The following GTF3C4 variants were observed in gnomAD, a reference collection of about 807,000 sequenced individuals.
The protein encoded by GTF3C4 is general transcription factor IIIC subunit 4, also known as general transcription factor 3C polypeptide 4.
Under a neutral mutation model 67.5 loss-of-function variants are expected in GTF3C4, and 28 were observed. The ratio of observed to expected loss-of-function variants is 0.41; its 90% CI spans 0.31 to 0.57. The LOEUF (loss-of-function observed/expected upper bound fraction) is 0.57. Among genes scored for constraint, GTF3C4 ranks in the 20% least tolerant of loss-of-function variants. The probability of loss-of-function intolerance (pLI) is 0.21; values close to 1 mark genes in which losing one functional copy is unlikely to be tolerated. For missense variants in GTF3C4, 831 were observed against 1,033.2 expected, an observed-to-expected ratio of 0.80 and a Z score of 2.68; for synonymous variants, 409 against 393.0, an observed-to-expected ratio of 1.04 and a Z score of -0.48.
rs1468233127 is a variant in GTF3C4, at chr9:132,679,305, A to G, written c.1686A>G (p.Glu562=). ...HIPQFLQEAL[E]KKIESSGVTY... ...CTCAATTTTTACAAGAAGCTTTGGAAAAAAAGATTGAAAGCAGTGGAGTCA... is the reference window on the plus strand; with the variant it reads ...CTCAATTTTTACAAGAAGCTTTGGAGAAAAAGATTGAAAGCAGTGGAGTCA... Residue 562 remains glutamate (E), a synonymous_variant, in exon 2 of 5, where the codon GAA becomes GAG. Transcript: ENST00000372146. This position sits in a 1 kb window ranked among gnomAD's most constrained non-coding sequence, Gnocchi z 5.9. 6.2e-7 allele frequency: 1 copy of G among 1,614,084 alleles called. No homozygotes were observed. Among genetic ancestry groups the G allele is most frequent in the African/African-American group, 1.3e-5 (1 of 75,014 alleles).
At chr9:132,674,946 A>C (rs1432298547) in intron 1 of GTF3C4, among the ~76,000 whole-genome samples, 1 of 152,194 alleles carries the variant, frequency 6.6e-6, no homozygotes, top group East Asian at 1.9e-4. Flanking sequence ...TGAAAGGATC[A>C]CTTGACCCCG....
chr9:132,687,714 A>G (rs1836053020), intron 4 of GTF3C4, among the ~76,000 whole-genome samples: 1 of 152,228 alleles, frequency 6.6e-6, no homozygotes, highest in African/African-American at 2.4e-5. Context: ...AACCAGTAAT[A>G]GGATATTCAC....
intron 2 of GTF3C4, among the ~76,000 whole-genome samples, chr9:132,681,882 G>A (rs963983989): frequency 1.3e-5 from 2 of 151,546 alleles, no homozygotes; most frequent in Non-Finnish European, 2.9e-5. Flanking sequence ...CAGCACTTTG[G>A]GAGGCCAGGG....
In GTF3C4 at chr9:132,678,984, A is replaced by G. The variant is rs1269455200; in HGVS notation, c.1365A>G (p.Thr455=). The G allele has an allele frequency of 6.2e-7, 1 of 1,614,190 alleles. No homozygotes were observed. Among genetic ancestry groups the G allele is most frequent in the South Asian group, 1.1e-5 (1 of 91,084 alleles). The change falls in exon 2 of 5, where the codon ACA becomes ACG. Residue 455 remains threonine, a synonymous_variant. Transcript: ENST00000372146. The surrounding 1 kb of genome is among the most constrained non-coding windows in gnomAD (Gnocchi z 6.5). ...GKVRQLIPIF[T]DVALKFEHQL... is the part of the protein sequence containing the mutation. ...TGAGGCAGCTGATTCCCATTTTCAC[A>G]GATGTTGCATTGAAGTTTGAACACC...
rs1253756000 is a variant in GTF3C4 at position 132,670,631 on chromosome 9, C to G, written c.33C>G (p.Pro11=). 2 of 1,449,628 alleles carry G rather than the reference C, an allele frequency of 1.4e-6. No individual in the cohort carries two copies. Among genetic ancestry groups the G allele is most frequent in the Non-Finnish European group, 1.8e-6 (2 of 1,113,496 alleles). The allele number at this position is 1,449,628 out of a possible 1,614,324, so 89.8% of individuals were successfully genotyped here. ...CGGCCGACCAGGCCCGGGTGGGGCC[C>G]GCGGACGACGGGCCTGCGCCGTCTG... MNTADQARVG[P]ADDGPAPSGE... The change falls in exon 1 of 5, where the codon CCC becomes CCG. Residue 11 remains proline (P), a synonymous_variant. Coordinates refer to ENST00000372146, the MANE Select transcript of GTF3C4 (RefSeq NM_012204.4).
rs1323168843 is a variant in GTF3C4, at chr9:132,693,015, A to G, written c.*4070A>G. On this transcript the variant is annotated 3_prime_UTR_variant, in exon 5 of 5. Coordinates refer to ENST00000372146, the MANE Select transcript of GTF3C4 (RefSeq NM_012204.4). The stretch of plus-strand genomic sequence containing the variant: ...TTTAATGGAATTCAGCCAAACTCCA[A>G]AAATACTGAGTTGCTTCTAGTTATC... 1 of 152,222 alleles carries G rather than the reference A, an allele frequency of 6.6e-6. No individual in the cohort carries two copies. The highest frequency in any genetic ancestry group is 2.4e-5 in the African/African-American group (1 of 41,462). 9.4% of individuals were successfully genotyped at this position (152,222 alleles called of 1,614,324 possible).
rs768516868 is a variant in GTF3C4 at position 132,670,996 on chromosome 9, C to G, written c.357+41C>G. 6.5e-6 allele frequency: 9 copies of G among 1,374,856 alleles called. No individual in the cohort carries two copies. In the Admixed American group the frequency reaches 1.5e-4, roughly 23 times the overall value. 85.2% of individuals were successfully genotyped at this position (1,374,856 alleles called of 1,614,324 possible). ...CCATCCCTGGGGTCTTCCCCTGTCC[C>G]CCTCTCGCGGCCGCATCATCCGTCC... On this transcript the variant is annotated intron_variant, in intron 1 of 4. Transcript: ENST00000372146.
In GTF3C4 at chr9:132,670,776, C is replaced by T. The variant is rs577948269; in HGVS notation, c.178C>T (p.Leu60=). ...MVTRREPAVK[L]QYAVSGLEPL... is the part of the protein sequence containing the mutation. ...GACTCGGCGGGAGCCGGCCGTGAAGCTGCAGTATGCGGTGAGCGGCCTGGA... is the reference window on the plus strand; with the variant it reads ...GACTCGGCGGGAGCCGGCCGTGAAGTTGCAGTATGCGGTGAGCGGCCTGGA... The change falls in exon 1 of 5, where the codon CTG becomes TTG. Residue 60 remains leucine (L), a synonymous_variant. Coordinates refer to ENST00000372146, the MANE Select transcript of GTF3C4 (RefSeq NM_012204.4). 3.8e-6 allele frequency: 6 copies of T among 1,583,582 alleles called. No homozygotes were observed. Among genetic ancestry groups the T allele is most frequent in the African/African-American group, 1.3e-5 (1 of 74,390 alleles).
At chr9:132,684,724 G>A (rs931835839) in intron 3 of GTF3C4, among the ~76,000 whole-genome samples, 1 of 152,166 alleles carries the variant, frequency 6.6e-6, no homozygotes. Context: ...CTAGGATGCT[G>A]TTCCAGCAGA....
At position 132,693,212 on chromosome 9, in the gene GTF3C4, T is replaced by C. The variant is rs1428523087; in HGVS notation, c.*4267T>C. On this transcript the variant is annotated 3_prime_UTR_variant, in exon 5 of 5. Transcript: ENST00000372146. ...TAGATGGTTTAACATGGTGCTGTTT[T>C]TGAAAACTTGCTGTGGAAATAAATT... 1.3e-5 allele frequency: 2 copies of C among 152,260 alleles called. 1 individual carries two copies. The highest frequency in any genetic ancestry group is 4.8e-5 in the African/African-American group (2 of 41,474). 9.4% of individuals were successfully genotyped at this position (152,260 alleles called of 1,614,324 possible).
chr9:132,684,430 C>T (rs1232168964), intron 3 of GTF3C4, among the ~76,000 whole-genome samples: 3 of 152,176 alleles, frequency 2.0e-5, no homozygotes, highest in African/African-American at 7.2e-5. Context: ...ATCTGGTCTT[C>T]CCACTTCCAT....
At chr9:132,681,962 A>G (rs1009453062) in intron 2 of GTF3C4, among the ~76,000 whole-genome samples, 34 of 111,112 alleles carry the variant, frequency 3.1e-4, no homozygotes, top group South Asian at 1.2e-3. Flanking sequence ...GTCTCTACAT[A>G]AAGTAAAAAA....
At position 132,679,323 on chromosome 9, in the gene GTF3C4, T is replaced by C. The variant is rs771488209; in HGVS notation, c.1704T>C (p.Ser568=). Residue 568 remains serine (S), a synonymous_variant, in exon 2 of 5, where the codon AGT becomes AGC. Transcript: ENST00000372146. This position sits in a 1 kb window ranked among gnomAD's most constrained non-coding sequence, Gnocchi z 5.9. ...CTTTGGAAAAAAAGATTGAAAGCAG[T>C]GGAGTCACCTATTTTTGGCGTTTTA... ...QEALEKKIES[S]GVTYFWRFKL... is the part of the protein sequence containing the mutation. 6.2e-7 allele frequency: 1 copy of C among 1,614,158 alleles called. No individual in the cohort carries two copies. The highest frequency in any genetic ancestry group is 1.7e-5 in the Admixed American group (1 of 60,024).
chr9:132,678,625 G>C lies in GTF3C4; in HGVS notation c.1006G>C (p.Ala336Pro). The change falls in exon 2 of 5, where the codon GCT (alanine) becomes CCT (proline). Residue 336 changes from alanine (A) to proline (P), a missense_variant. Transcript: ENST00000372146. The surrounding 1 kb of genome is among the most constrained non-coding windows in gnomAD (Gnocchi z 6.5). ...RKMSGLIVGS[A>P]FGPIKILPVN... ...AATGAGTGGCCTTATTGTGGGGAGT[G>C]CTTTTGGACCCATAAAAATTCTTCC... The C allele has an allele frequency of 1.2e-6, 2 of 1,614,102 alleles. No individual in the cohort carries two copies. The highest frequency in any genetic ancestry group is 1.7e-6 in the Non-Finnish European group (2 of 1,180,002).
rs760878207 is a variant in GTF3C4, at chr9:132,678,265, C to G, written c.646C>G (p.Leu216Val). Residue 216 changes from leucine to valine, a missense_variant, in exon 2 of 5, where the codon CTT (leucine) becomes GTT (valine). By Grantham distance (32) the Leu-to-Val change is conservative. This residue lies in a region of GTF3C4 where 390 missense variants were observed against 540.3 expected (regional missense o/e 0.72). Transcript: ENST00000372146. The surrounding 1 kb of genome is among the most constrained non-coding windows in gnomAD (Gnocchi z 6.5). ...CCTGACTGAGATCTATGGAGAACGT[C>G]TTTATGAGACCAGTTACAGGCTCTC... ...VDLTEIYGER[L>V]YETSYRLSKN... is the part of the protein sequence containing the mutation. 5.0e-6 allele frequency: 8 copies of G among 1,614,150 alleles called. No individual in the cohort carries two copies. The highest frequency in any genetic ancestry group is 5.9e-6 in the Non-Finnish European group (7 of 1,180,028).
At chr9:132,681,966 TAAAAAAAAAAA>T (rs56402111) in intron 2 of GTF3C4, among the ~76,000 whole-genome samples, 1 of 114,750 alleles carries the variant, frequency 8.7e-6, no homozygotes, top group African/African-American at 3.5e-5. Context: ...CTACATAAAG[TAAAAAAAAAAA>T]AAAAAAAAAA....
chr9:132,670,751 G>A lies in GTF3C4; in HGVS notation c.153G>A (p.Val51=). 1.3e-6 allele frequency: 2 copies of A among 1,556,402 alleles called. No homozygotes were observed. The highest frequency in any genetic ancestry group is 1.7e-6 in the Non-Finnish European group (2 of 1,157,468). The change falls in exon 1 of 5, where the codon GTG becomes GTA. Residue 51 remains valine (V), a synonymous_variant. Coordinates refer to ENST00000372146, the MANE Select transcript of GTF3C4 (RefSeq NM_012204.4). The part of the protein sequence containing the change: ...PGPSAAFRLM[V]TRREPAVKLQ... Reference sequence around the variant, plus strand: ...CCAGCGCTGCATTCCGCCTCATGGTGACTCGGCGGGAGCCGGCCGTGAAGC... The same window carrying A: ...CCAGCGCTGCATTCCGCCTCATGGTAACTCGGCGGGAGCCGGCCGTGAAGC...
chr9:132,688,982 C>T lies in GTF3C4; in HGVS notation c.*37C>T. ...CGGGAAGATGGAAGGGCATGATGAA[C>T]TCTGCCATAGAAAACTTCCTCCAGC... On this transcript the variant is annotated 3_prime_UTR_variant, in exon 5 of 5. Coordinates refer to ENST00000372146, the MANE Select transcript of GTF3C4 (RefSeq NM_012204.4). 6.7e-7 allele frequency: 1 copy of T among 1,484,776 alleles called. No homozygotes were observed. The highest frequency in any genetic ancestry group is 9.4e-7 in the Non-Finnish European group (1 of 1,064,206). 92.0% of individuals were successfully genotyped at this position (1,484,776 alleles called of 1,614,324 possible). A position where few individuals can be genotyped will look rare whatever the true frequency, so the allele number is the denominator to read the frequency against.
rs1835706528 is a variant in GTF3C4, at chr9:132,670,639, A to G, written c.41A>G (p.Asp14Gly). 4 of 1,447,240 alleles carry G rather than the reference A, an allele frequency of 2.8e-6. No individual in the cohort carries two copies. The highest frequency in any genetic ancestry group is 2.7e-6 in the Non-Finnish European group (3 of 1,112,374). The allele number at this position is 1,447,240 out of a possible 1,614,324, so 89.6% of individuals were successfully genotyped here. ...CAGGCCCGGGTGGGGCCCGCGGACG[A>G]CGGGCCTGCGCCGTCTGGGGAGGAG... ...ADQARVGPAD[D>G]GPAPSGEEEG... Residue 14 changes from aspartate to glycine, a missense_variant, in exon 1 of 5, where the codon GAC becomes GGC. Coordinates refer to ENST00000372146, the MANE Select transcript of GTF3C4 (RefSeq NM_012204.4).
Sources: gnomAD v4.1 joint callset for allele counts (sites outside exome capture counted in the v4.1 genomes callset) on GRCh38, gnomAD v4.1.1 for gene constraint, gnomAD v4.1.1 regional missense constraint, Gnocchi (gnomAD v3.1) non-coding constraint, MANE v1.5 for transcripts, NCBI Gene and HGNC (gene_info 2026-07-23, HGNC 2026-07-21) for gene names.